The following SNX25 variants were observed in gnomAD, a reference collection of about 807,000 sequenced individuals.
The protein encoded by SNX25 is sorting nexin 25.
In SNX25, 62 loss-of-function variants were observed where a neutral mutation model predicts 113.7. The ratio of observed to expected loss-of-function variants is 0.55; its 90% CI spans 0.44 to 0.67. The LOEUF (loss-of-function observed/expected upper bound fraction) is 0.67, where lower values mean the gene tolerates loss of function less well. SNX25 is among the 30% of genes least tolerant of loss of function. The pLI is 0.00. For missense variants in SNX25, 1,014 were observed against 1,161.0 expected, an observed-to-expected ratio of 0.87 and a Z score of 1.84; for synonymous variants, 421 against 436.2, an observed-to-expected ratio of 0.97 and a Z score of 0.43.
At chr4:185,300,148 A>G (rs892343839) in intron 6 of SNX25, among the ~76,000 whole-genome samples, 25 of 147,338 alleles carry the variant, frequency 1.7e-4, no homozygotes, top group Middle Eastern at 3.4e-3. Flanking sequence ...GAATCATAAC[A>G]ATGTCCACTA....
At chr4:185,205,579 C>T (rs775061784), upstream of SNX25, among the ~76,000 whole-genome samples, 2 of 152,124 alleles carry the variant, frequency 1.3e-5, no homozygotes, top group Non-Finnish European at 2.9e-5. Flanking sequence ...TTTGTAATTC[C>T]GCACTTTGAG....
chr4:185,296,212 ATAATACTG>A (rs1752815658), intron 6 of SNX25, among the ~76,000 whole-genome samples: 1 of 152,018 alleles, frequency 6.6e-6, no homozygotes, highest in African/African-American at 2.4e-5. Flanking sequence ...GCCCCACCTG[ATAATACTG>A]TAGGGAGTAA....
chr4:185,320,953 T>C, intron 8 of SNX25, 89 bp downstream of exon 8: 1 of 1,192,324 alleles, frequency 8.4e-7, no homozygotes, highest in East Asian at 2.7e-5. Flanking sequence ...TCAAGATAAG[T>C]ATACATTAAA....
intron 1 of SNX25, among the ~76,000 whole-genome samples, chr4:185,246,154 G>A (rs1490509306): frequency 2.0e-5 from 3 of 152,164 alleles, no homozygotes; most frequent in South Asian, 2.1e-4. Context: ...GTGTGGTGTC[G>A]TGGGCCTGAA....
intron 1 of SNX25, among the ~76,000 whole-genome samples, chr4:185,211,737 TTAAGAGG>T (rs1261139091): frequency 6.6e-6 from 1 of 152,126 alleles, no homozygotes; most frequent in Non-Finnish European, 1.5e-5. Flanking sequence ...GAAACAGTGA[TTAAGAGG>T]TAAGAGATGA....
At chr4:185,305,547 A>G (rs913563753) in intron 6 of SNX25, among the ~76,000 whole-genome samples, 1 of 152,170 alleles carries the variant, frequency 6.6e-6, no homozygotes, top group Non-Finnish European at 1.5e-5. Context: ...TTGTCGTTAG[A>G]TGTTGCTGTT....
At chr4:185,226,543 T>G (rs1741025791) in intron 1 of SNX25, among the ~76,000 whole-genome samples, 3 of 152,208 alleles carry the variant, frequency 2.0e-5, no homozygotes, top group Admixed American at 2.0e-4. Flanking sequence ...CTTGACCTCC[T>G]GGACTAAAGC....
intron 2 of SNX25, among the ~76,000 whole-genome samples, chr4:185,250,232 T>A (rs1450938808): frequency 6.6e-6 from 1 of 152,248 alleles, no homozygotes; most frequent in Non-Finnish European, 1.5e-5. Context: ...CTCTGGTTCA[T>A]GGCCTTTCCA....
At chr4:185,356,860 G>T (rs923355640) in intron 15 of SNX25, among the ~76,000 whole-genome samples, 1 of 152,148 alleles carries the variant, frequency 6.6e-6, no homozygotes, top group African/African-American at 2.4e-5. Flanking sequence ...GTTCCAATTT[G>T]TGGACCTAAA....
At chr4:185,295,305 G>T (rs1453144852) in intron 6 of SNX25, among the ~76,000 whole-genome samples, 2 of 152,112 alleles carry the variant, frequency 1.3e-5, no homozygotes, top group Non-Finnish European at 2.9e-5. Flanking sequence ...AACTGAAGAA[G>T]TTTAAAAGAA....
intron 9 of SNX25, among the ~76,000 whole-genome samples, chr4:185,325,402 A>C (rs1432435321): frequency 6.6e-6 from 1 of 151,990 alleles, no homozygotes; most frequent in Non-Finnish European, 1.5e-5. Context: ...GTGTGATAGC[A>C]TGCGCCTGTA....
rs138810438 is a variant in SNX25, at chr4:185,332,599, C to A, written c.1754C>A (p.Pro585Gln). Residue 585 changes from proline (P) to glutamine (Q), a missense_variant, in exon 10 of 19, where the codon CCA becomes CAA. Coordinates refer to ENST00000652585, the MANE Select transcript of SNX25 (RefSeq NM_001378034.2). ...QMISNKDEMG[P>Q]RDEAGEEAVD... ...GGTATGTGACTCTCCCCCTAGGGCC[C>A]AAGAGATGAGGCTGGTGAGGAAGCC... is the stretch of plus-strand genomic sequence containing the variant. The A allele has an allele frequency of 6.8e-6, 11 of 1,611,084 alleles. No individual in the cohort carries two copies. The highest frequency in any genetic ancestry group is 9.3e-6 in the Non-Finnish European group (11 of 1,178,382).
intron 1 of SNX25, among the ~76,000 whole-genome samples, chr4:185,237,788 G>GA (rs1742874065): frequency 6.6e-6 from 1 of 151,828 alleles, no homozygotes; most frequent in Admixed American, 6.6e-5. Context: ...GCCGGGTATG[G>GA]TTGGTTGCTC....
chr4:185,357,604 C>A, intron 15 of SNX25, 67 bp from the exon 16 acceptor site: 1 of 1,222,098 alleles, frequency 8.2e-7, no homozygotes, highest in Non-Finnish European at 1.2e-6. Context: ...ATGCTTTGTA[C>A]AGCTATGAAA....
At chr4:185,342,848 G>A (rs1195344825) in intron 12 of SNX25, among the ~76,000 whole-genome samples, 3 of 152,050 alleles carry the variant, frequency 2.0e-5, no homozygotes, top group Non-Finnish European at 2.9e-5. Flanking sequence ...TACTCTTCAT[G>A]GCTGTGTGAC....
At chr4:185,223,677 A>C (rs1003524972) in intron 1 of SNX25, among the ~76,000 whole-genome samples, 4 of 151,576 alleles carry the variant, frequency 2.6e-5, no homozygotes, top group African/African-American at 9.7e-5. Flanking sequence ...GGTACTCAGG[A>C]GGCTGAGGCA....
chr4:185,213,920 C>T (rs1579305148), intron 1 of SNX25, among the ~76,000 whole-genome samples: 1 of 150,622 alleles, frequency 6.6e-6, no homozygotes, highest in East Asian at 1.9e-4. Flanking sequence ...TTCTTTTTAC[C>T]CTGTGGTTTA....
rs772868966 is a variant in SNX25, at chr4:185,222,630, TG to T, written c.429+12377del. Among the ~76,000 whole-genome samples, 426 of 152,350 alleles carry T rather than the reference TG, an allele frequency of 2.8e-3. 2 individuals are homozygous for T. Among genetic ancestry groups the T allele is most frequent in the Non-Finnish European group, 4.8e-3 (328 of 68,028 alleles). ...ATTTTATACTCATTTGGATGGCTCC[TG>T]GTGTTTCCTTTTCATTAGTTATTGA... On this transcript the variant is annotated intron_variant, in intron 1 of 18. Coordinates refer to ENST00000652585, the MANE Select transcript of SNX25 (RefSeq NM_001378034.2).
At chr4:185,360,930 A>AATATATATATATATATATATATATATAT (rs3047488) in intron 16 of SNX25, among the ~76,000 whole-genome samples, 36 of 139,604 alleles carry the variant, frequency 2.6e-4, no homozygotes, top group African/African-American at 8.7e-4. Flanking sequence ...AAAAAAAAAT[A>AATATATATATATATATATATATATATAT]ATATATATAT....
Sources: allele counts gnomAD v4.1 joint callset (sites outside exome capture counted in the v4.1 genomes callset), GRCh38; gene constraint gnomAD v4.1.1; transcripts MANE v1.5; gene names NCBI Gene and HGNC (gene_info 2026-07-23, HGNC 2026-07-21).